The following ADCY2 variants were observed in gnomAD, a reference collection of about 807,000 sequenced individuals.
ADCY2 encodes the protein adenylate cyclase type 2.
ADCY2 carries 31 observed loss-of-function variants against 125.2 expected under a neutral mutation model. That is an observed-to-expected ratio of 0.25 (90% CI 0.19 to 0.33). The LOEUF is 0.33. Ranked by LOEUF, ADCY2 falls within the 10% of genes least tolerant of loss-of-function variation. The probability of loss-of-function intolerance (pLI) is 1.00; values close to 1 mark genes in which losing one functional copy is unlikely to be tolerated. For synonymous variants in ADCY2, 512 were observed against 548.4 expected, an observed-to-expected ratio of 0.93 and a Z score of 0.93; for missense variants, 904 against 1,418.2, an observed-to-expected ratio of 0.64 and a Z score of 5.82.
rs187229240 is a variant in ADCY2 at position 7,735,405 on chromosome 5, A to C, written c.1871+8144A>C. Among the ~76,000 whole-genome samples, 386 of 152,326 alleles carry C rather than the reference A, an allele frequency of 2.5e-3. 3 individuals carry two copies. The highest frequency in any genetic ancestry group is 9.0e-3 in the African/African-American group (373 of 41,578). On this transcript the variant is annotated intron_variant, in intron 14 of 24. Coordinates refer to ENST00000338316, the MANE Select transcript of ADCY2 (RefSeq NM_020546.3). ...CACAGCACACATCCTTTCTTATTCA[A>C]TCTGAAGAGAAAAGCATTCAGCCTT...
chr5:7,636,773 G>A (rs1481385857), intron 4 of ADCY2, among the ~76,000 whole-genome samples: 3 of 152,214 alleles, frequency 2.0e-5, no homozygotes, highest in African/African-American at 7.2e-5. Context: ...ATAGTGAGAA[G>A]AGGGTAAAGG....
At chr5:7,481,536 G>A (rs1418894784) in intron 2 of ADCY2, among the ~76,000 whole-genome samples, 2 of 152,100 alleles carry the variant, frequency 1.3e-5, no homozygotes, top group Admixed American at 6.5e-5. Context: ...CAAAGTGCTG[G>A]GATTACAGGC....
chr5:7,568,173 T>C (rs1416560547), intron 3 of ADCY2, among the ~76,000 whole-genome samples: 4 of 152,210 alleles, frequency 2.6e-5, no homozygotes, highest in East Asian at 3.8e-4. Context: ...TTTCCTTTTA[T>C]TCACACACAT....
chr5:7,738,512 A>G (rs922082519), intron 14 of ADCY2, among the ~76,000 whole-genome samples: 2 of 152,066 alleles, frequency 1.3e-5, no homozygotes, highest in Non-Finnish European at 2.9e-5. Flanking sequence ...CACTATACAA[A>G]TAAAAGCAAT....
chr5:7,637,452 G>GAGA (rs1234407486), intron 4 of ADCY2, among the ~76,000 whole-genome samples: 10 of 132,230 alleles, frequency 7.6e-5, no homozygotes, highest in South Asian at 2.4e-4. Context: ...AAAAAAAAAA[G>GAGA]AGAAGAAGAA....
At chr5:7,753,913 G>T (rs1025667913) in intron 15 of ADCY2, among the ~76,000 whole-genome samples, 1 of 152,128 alleles carries the variant, frequency 6.6e-6, no homozygotes, top group Non-Finnish European at 1.5e-5. Flanking sequence ...GTCACTGCTT[G>T]GTGACAAGGA....
intron 6 of ADCY2, among the ~76,000 whole-genome samples, chr5:7,697,968 T>C (rs1740949139): frequency 6.6e-6 from 1 of 152,202 alleles, no homozygotes; most frequent in Non-Finnish European, 1.5e-5. Flanking sequence ...CCCATCACCA[T>C]CCTTCTCTGC....
At chr5:7,714,499 G>A (rs1428518246) in intron 11 of ADCY2, among the ~76,000 whole-genome samples, 2 of 152,240 alleles carry the variant, frequency 1.3e-5, no homozygotes, top group African/African-American at 4.8e-5. Flanking sequence ...CAGCGTTACT[G>A]CAAGGCAGAA....
intron 20 of ADCY2, chr5:7,798,433 C>A (rs1249117078): frequency 6.6e-6 from 1 of 152,162 alleles, no homozygotes. Context: ...TTGGAAAACC[C>A]AGCTAGCAAG....
At chr5:7,533,872 T>C (rs78308718) in intron 3 of ADCY2, among the ~76,000 whole-genome samples, 25,232 of 152,190 alleles carry the variant, frequency 0.17, 2,718 homozygotes, top group Non-Finnish European at 0.24. Context: ...ATTTTCACCA[T>C]TAGCACCAGA....
rs1443827794 is a variant in ADCY2, at chr5:7,695,876, G to T, written c.981+13G>T. The T allele has an allele frequency of 1.3e-6, 2 of 1,558,712 alleles. No individual in the cohort carries two copies. Among genetic ancestry groups the T allele is most frequent in the East Asian group, 2.3e-5 (1 of 44,026 alleles). On this transcript the variant is annotated intron_variant, in intron 6 of 24. Coordinates refer to ENST00000338316, the MANE Select transcript of ADCY2 (RefSeq NM_020546.3). ...TCAAATTGCAAAGGTGAGTATTATG[G>T]ATTCTTTTCTTCTCTGAAGATTTCT...
At chr5:7,476,508 G>A (rs1392408756) in intron 2 of ADCY2, among the ~76,000 whole-genome samples, 1 of 152,188 alleles carries the variant, frequency 6.6e-6, no homozygotes, top group Non-Finnish European at 1.5e-5. Context: ...GAACATGTGT[G>A]TGCCCTAAAC....
intron 2 of ADCY2, among the ~76,000 whole-genome samples, chr5:7,477,011 A>G: frequency 6.6e-6 from 1 of 152,184 alleles, no homozygotes; most frequent in East Asian, 1.9e-4. Context: ...ACTTAAGAGT[A>G]CTTCTTGAAA....
chr5:7,702,158 G>A lies in ADCY2; in HGVS notation c.1109+3784G>A, dbSNP rs909266349. ...TGTAATCCCAGAGCTTTGGGAGGCCGAGGTGGACTGATCACCTGAGGTCAG... is the reference window on the plus strand; with the variant it reads ...TGTAATCCCAGAGCTTTGGGAGGCCAAGGTGGACTGATCACCTGAGGTCAG... On this transcript the variant is annotated intron_variant, in intron 7 of 24. Coordinates refer to ENST00000338316, the MANE Select transcript of ADCY2 (RefSeq NM_020546.3). Among the ~76,000 whole-genome samples the A allele has an allele frequency of 8.6e-5, 13 of 151,894 alleles. No homozygotes were observed. In the South Asian group the frequency reaches 1.5e-3, roughly 17 times the overall value.
chr5:7,643,490 C>T (rs1738782533), intron 4 of ADCY2, among the ~76,000 whole-genome samples: 1 of 151,838 alleles, frequency 6.6e-6, no homozygotes, highest in East Asian at 1.9e-4. Flanking sequence ...TGTTGAATGA[C>T]ATTATTCTAT....
chr5:7,406,613 A>T (rs910702833), intron 1 of ADCY2, among the ~76,000 whole-genome samples: 2 of 152,050 alleles, frequency 1.3e-5, no homozygotes, highest in South Asian at 4.2e-4. Flanking sequence ...CTTCCCCGGG[A>T]GGTCCTTCTT....
intron 3 of ADCY2, among the ~76,000 whole-genome samples, chr5:7,560,937 C>T (rs867059693): frequency 6.6e-6 from 1 of 152,210 alleles, no homozygotes; most frequent in Non-Finnish European, 1.5e-5. Context: ...ATCCACCTGC[C>T]TCAGCCTCCC....
At chr5:7,760,665 G>A (rs1024415250) in intron 16 of ADCY2, among the ~76,000 whole-genome samples, 18 of 152,264 alleles carry the variant, frequency 1.2e-4, no homozygotes, top group South Asian at 4.2e-4. Context: ...TGTGGAACAT[G>A]ATGTTTTGAT....
chr5:7,663,199 C>T (rs1739595367), intron 4 of ADCY2, among the ~76,000 whole-genome samples: 1 of 152,220 alleles, frequency 6.6e-6, no homozygotes, highest in African/African-American at 2.4e-5. Context: ...GTTAGGTACA[C>T]ACCTTCTAGA....
Sources: allele counts gnomAD v4.1 joint callset (sites outside exome capture counted in the v4.1 genomes callset), GRCh38; gene constraint gnomAD v4.1.1; transcripts MANE v1.5; gene names NCBI Gene and HGNC (gene_info 2026-07-23, HGNC 2026-07-21).